Variants in STARD13 observed in about 807,000 individuals in gnomAD.
STARD13 encodes stAR-related lipid transfer protein 13.
STARD13 carries 62 observed loss-of-function variants against 106.4 expected under a neutral mutation model. The ratio of observed to expected loss-of-function variants is 0.58; its 90% CI spans 0.48 to 0.72. The LOEUF (loss-of-function observed/expected upper bound fraction) is 0.72. Among genes scored for constraint, STARD13 ranks in the 30% least tolerant of loss-of-function variants. The pLI, the probability that STARD13 is intolerant of heterozygous loss-of-function variation, is 0.00. For synonymous variants in STARD13, 565 were observed against 553.0 expected (o/e 1.02, Z -0.31); for missense variants, 1,387 against 1,424.0 (o/e 0.97, Z 0.42).
downstream of STARD13, among the ~76,000 whole-genome samples, chr13:33,345,012 C>G (rs2078003287): frequency 6.6e-6 from 1 of 152,166 alleles, no homozygotes; most frequent in Non-Finnish European, 1.5e-5. Flanking sequence ...TTTAATGATG[C>G]CATAAAAGTT....
the STARD13 span, among the ~76,000 whole-genome samples, chr13:33,571,066 G>A: frequency 1.3e-5 from 2 of 152,190 alleles, no homozygotes; most frequent in East Asian, 3.9e-4. Context: ...CTAGTCCTAT[G>A]GATTGGCAGA....
intron 1 of STARD13, among the ~76,000 whole-genome samples, chr13:33,220,803 T>C (rs1888315742): frequency 6.6e-6 from 1 of 152,252 alleles, no homozygotes; most frequent in Admixed American, 6.5e-5. Flanking sequence ...CACTATGTCA[T>C]TAATTGTTTC....
the STARD13 span, among the ~76,000 whole-genome samples, chr13:33,379,070 A>G: frequency 6.6e-6 from 1 of 152,150 alleles, no homozygotes; most frequent in South Asian, 2.1e-4. Context: ...AGATCACGCC[A>G]CTGCACTCCA....
Position 33,281,850 on chromosome 13 carries a change from T to TG in STARD13, c.169+3619dup, listed in dbSNP as rs1250093251. On this transcript the variant is annotated intron_variant, in intron 1 of 13. Coordinates refer to ENST00000336934, the MANE Select transcript of STARD13 (RefSeq NM_178006.4). ...GGAGGAATGAGGAATTCTTGTTTAA[T>TG]GGGTATGGAGTTTCAGTTTTGCAAG... Among the ~76,000 whole-genome samples, 4 of 152,262 alleles carry TG rather than the reference T, an allele frequency of 2.6e-5. No homozygotes were observed. The East Asian group carries it at 7.7e-4, about 29-fold the overall frequency.
intron 3 of STARD13, among the ~76,000 whole-genome samples, chr13:33,162,356 T>C (rs1368164591): frequency 6.6e-6 from 1 of 152,262 alleles, no homozygotes; most frequent in Admixed American, 6.5e-5. Flanking sequence ...ACCTATGACA[T>C]GTCCTGGAGA....
At chr13:33,445,276 A>T in the STARD13 span, among the ~76,000 whole-genome samples, 2 of 152,242 alleles carry the variant, frequency 1.3e-5, no homozygotes, top group Non-Finnish European at 2.9e-5. Flanking sequence ...ATTCTTATGT[A>T]AACATGGAAG....
the STARD13 span, among the ~76,000 whole-genome samples, chr13:33,531,669 C>G: frequency 1.3e-5 from 2 of 152,158 alleles, no homozygotes; most frequent in Admixed American, 1.3e-4. Flanking sequence ...GTGTTTTCAA[C>G]AGACATAGAG....
At chr13:33,631,963 A>G in the STARD13 span, among the ~76,000 whole-genome samples, 1 of 152,238 alleles carries the variant, frequency 6.6e-6, no homozygotes. Flanking sequence ...AAAAATTTAA[A>G]TAGAGTTTAT....
chr13:33,570,331 T>C, the STARD13 span, among the ~76,000 whole-genome samples: 1 of 148,000 alleles, frequency 6.8e-6, no homozygotes, highest in Non-Finnish European at 1.5e-5. Flanking sequence ...TCATACCATT[T>C]ATGTTTTAGA....
Position 33,327,338 on chromosome 13 carries a change from T to C in STARD13, c.124+22952A>G, listed in dbSNP as rs541388064. On this transcript the variant is annotated intron_variant, in intron 1 of 5. Transcript: ENST00000567873. ...ACACTTTAGACGTATGTGATTATTA[T>C]ATTTGGTAATTTTTATTTTGCATTT... is the stretch of plus-strand genomic sequence containing the variant. Among the ~76,000 whole-genome samples the C allele has an allele frequency of 4.5e-4, 69 of 152,330 alleles. No individual in the cohort carries two copies. In the South Asian group the frequency reaches 0.013, roughly 28 times the overall value.
At chr13:33,371,244 G>C in the STARD13 span, among the ~76,000 whole-genome samples, 2 of 152,018 alleles carry the variant, frequency 1.3e-5, no homozygotes, top group Non-Finnish European at 2.9e-5. Context: ...TCCCATATCT[G>C]CTCTGGTTAA....
Position 33,105,643 on chromosome 13 carries a change from T to C in STARD13, c.3292A>G (p.Arg1098Gly), listed in dbSNP as rs1873587790. 7 of 1,614,164 alleles carry C rather than the reference T, an allele frequency of 4.3e-6. No individual in the cohort carries two copies. The highest frequency in any genetic ancestry group is 5.1e-6 in the Non-Finnish European group (6 of 1,179,976). Residue 1098 changes from arginine to glycine, a missense_variant, in exon 14 of 14, where the codon AGA becomes GGA. Arg to Gly is a moderately radical substitution (Grantham distance 125). Coordinates refer to ENST00000336934, the MANE Select transcript of STARD13 (RefSeq NM_178006.4). The stretch of plus-strand genomic sequence containing the variant: ...GCAATGAGGGGCTGGAAAGAGTTTC[T>C]AATCCTGGCAACTTCTGCTGCACAC... ...HLCAAEVARI[R>G]NSFQPLIAEG...
chr13:33,142,267 T>C, intron 4 of STARD13, 43 bp downstream of exon 4: 1 of 1,486,632 alleles, frequency 6.7e-7, no homozygotes, highest in Non-Finnish European at 9.4e-7. Flanking sequence ...ACTCCTGGCA[T>C]TCACTGGCAT....
the STARD13 span, among the ~76,000 whole-genome samples, chr13:33,526,658 T>C: frequency 6.6e-6 from 1 of 152,094 alleles, no homozygotes; most frequent in Non-Finnish European, 1.5e-5. Context: ...ACTTTTTCTC[T>C]CTGTACCTAA....
At chr13:33,185,923 C>T in intron 1 of STARD13, 1 of 1,614,228 alleles carries the variant, frequency 6.2e-7, no homozygotes, top group Non-Finnish European at 8.5e-7. Context: ...TGTTTCCCAC[C>T]ACAGACAGTG....
intron 3 of STARD13, among the ~76,000 whole-genome samples, chr13:33,145,215 A>G (rs984326467): frequency 4.6e-5 from 7 of 152,266 alleles, no homozygotes; most frequent in Non-Finnish European, 1.0e-4. Flanking sequence ...AATGGGCAGA[A>G]TATTCAAACA....
At chr13:33,324,088 T>C (rs545867392) in intron 1 of STARD13, among the ~76,000 whole-genome samples, 2 of 152,336 alleles carry the variant, frequency 1.3e-5, no homozygotes, top group Admixed American at 1.3e-4. Context: ...TAGAAGGCAG[T>C]AAAAGGTCTA....
At chr13:33,414,032 C>CAAAAAACA in the STARD13 span, among the ~76,000 whole-genome samples, 1 of 48,188 alleles carries the variant, frequency 2.1e-5, no homozygotes, top group African/African-American at 9.1e-5. Flanking sequence ...GATTCCCTCT[C>CAAAAAACA]AAAAAAAAAA....
intron 1 of STARD13, among the ~76,000 whole-genome samples, chr13:33,327,895 AAG>A (rs1036144324): frequency 6.6e-6 from 1 of 152,244 alleles, no homozygotes; most frequent in African/African-American, 2.4e-5. Context: ...CTGAACAAAG[AAG>A]AGACTTGTTT....
Sources: allele counts gnomAD v4.1 joint callset (sites outside exome capture counted in the v4.1 genomes callset), GRCh38; gene constraint gnomAD v4.1.1; transcripts MANE v1.5; gene names NCBI Gene and HGNC (gene_info 2026-07-23, HGNC 2026-07-21).